PRRC2B: variants seen among roughly 807,000 people sequenced by gnomAD.
PRRC2B encodes proline rich coiled-coil 2B.
A neutral mutation model predicts 242.3 loss-of-function variants in PRRC2B; 68 were observed. That is an observed-to-expected ratio of 0.28 (90% confidence interval 0.23 to 0.34). The LOEUF is 0.34. Ranked by LOEUF, PRRC2B falls within the 10% of genes least tolerant of loss-of-function variation. The pLI, the probability that PRRC2B is intolerant of heterozygous loss-of-function variation, is 1.00. For synonymous variants in PRRC2B, 1,228 were observed against 1,173.6 expected, an observed-to-expected ratio of 1.05 and a Z score of -0.95; for missense variants, 2,835 against 2,954.8, an observed-to-expected ratio of 0.96 and a Z score of 0.94.
intron 10 of PRRC2B, among the ~76,000 whole-genome samples, chr9:131,458,609 C>T (rs1170281922): frequency 6.6e-6 from 1 of 151,808 alleles, no homozygotes; most frequent in Admixed American, 6.6e-5. Context: ...GGTTCAAGCA[C>T]TTCTCCCACC....
At chr9:131,488,191 A>G (rs554435647) in intron 28 of PRRC2B, 95 bp downstream of exon 28, 18 of 1,471,780 alleles carry the variant, frequency 1.2e-5, no homozygotes, top group Admixed American at 6.9e-5. Flanking sequence ...GTGCTGGCCT[A>G]TCGTGCTGTT....
At chr9:131,409,833 A>G (rs1837460265) in intron 1 of PRRC2B, among the ~76,000 whole-genome samples, 1 of 152,224 alleles carries the variant, frequency 6.6e-6, no homozygotes, top group South Asian at 2.1e-4. Flanking sequence ...GGTTAGAAGG[A>G]ACAATCCAAT....
In PRRC2B at chr9:131,495,834, T is replaced by G. The variant is rs1448809956; in HGVS notation, c.6650T>G (p.Ile2217Ser). The change falls in exon 32 of 32, where the codon ATC becomes AGC. Residue 2217 changes from isoleucine to serine, a missense_variant. Physicochemically the swap from Ile to Ser is moderately radical, Grantham distance 142. This residue lies in a region of PRRC2B where 574 missense variants were observed against 626.0 expected (regional missense o/e 0.92). Transcript: ENST00000683519. ...AASQMKRTGA[I>S]KPRAVKVEES... ...TCCCAGATGAAGCGAACCGGAGCGA[T>G]CAAGCCTCGGGCTGTCAAAGTGGAG... 2 of 1,612,144 alleles carry G rather than the reference T, an allele frequency of 1.2e-6. No individual in the cohort carries two copies. Among genetic ancestry groups the G allele is most frequent in the South Asian group, 2.2e-5 (2 of 91,054 alleles).
chr9:131,495,227 TG>T (rs893256871), intron 31 of PRRC2B, among the ~76,000 whole-genome samples: 3 of 151,584 alleles, frequency 2.0e-5, no homozygotes, highest in South Asian at 2.1e-4. Flanking sequence ...TGACTAGGAA[TG>T]GGGCCCCAGG....
chr9:131,398,744 C>T (rs1170378641), intron 1 of PRRC2B, among the ~76,000 whole-genome samples: 1 of 152,020 alleles, frequency 6.6e-6, no homozygotes, highest in Non-Finnish European at 1.5e-5. Context: ...TTGGGGAGGC[C>T]AAGGCAGGTG....
chr9:131,385,152 CATGA>C (rs1836811200), intron 1 of PRRC2B, among the ~76,000 whole-genome samples: 1 of 150,300 alleles, frequency 6.7e-6, no homozygotes, highest in Non-Finnish European at 1.5e-5. Flanking sequence ...GGATTACAGG[CATGA>C]GCTACACCAG....
At chr9:131,478,018 T>G in intron 17 of PRRC2B, 69 bp downstream of exon 17, 2 of 1,442,622 alleles carry the variant, frequency 1.4e-6, no homozygotes, top group Non-Finnish European at 1.9e-6. Flanking sequence ...TCCTCGGGCC[T>G]CCCGAGTTTG....
chr9:131,436,632 G>A lies in PRRC2B; in HGVS notation c.306G>A (p.Thr102=), dbSNP rs781767865. Residue 102 remains threonine (T), a synonymous_variant, in exon 4 of 32, where the codon ACG becomes ACA. Coordinates refer to ENST00000683519, the MANE Select transcript of PRRC2B (RefSeq NM_013318.4). ...DQQDPKSSSA[T]ASQPPESLPQ... ...TGCCTTTGTCTAGTTCCAGTGCGACGGCCTCTCAGCCGCCGGAGTCGCTGC... is the reference window on the plus strand; with the variant it reads ...TGCCTTTGTCTAGTTCCAGTGCGACAGCCTCTCAGCCGCCGGAGTCGCTGC... 3.1e-6 allele frequency: 5 copies of A among 1,613,726 alleles called. No individual in the cohort carries two copies. Among genetic ancestry groups the A allele is most frequent in the African/African-American group, 2.7e-5 (2 of 75,056 alleles).
intron 1 of PRRC2B, among the ~76,000 whole-genome samples, chr9:131,428,096 A>G (rs185488777): frequency 1.9e-4 from 27 of 145,938 alleles, no homozygotes; most frequent in African/African-American, 6.6e-4. Context: ...TAATTTTTGT[A>G]TTTTTAGTAG....
intron 25 of PRRC2B, chr9:131,485,867 C>T (rs904724886): frequency 1.5e-4 from 106 of 728,476 alleles, no homozygotes; most frequent in Non-Finnish European, 2.2e-4. Flanking sequence ...CTAGGTCTGA[C>T]GCTGCACCCT....
Position 131,475,027 on chromosome 9 carries a change from A to G in PRRC2B, c.2898A>G (p.Leu966=). ...EKELEKIKQE[L]GEESTRLAKE... ...AGCTTGAGAAGATTAAGCAGGAGCT[A>G]GGGGAGGAGAGTACCCGGCTGGCCA... The change falls in exon 16 of 32, where the codon CTA becomes CTG. Residue 966 remains leucine, a synonymous_variant. Transcript: ENST00000683519. 2 of 1,607,952 alleles carry G rather than the reference A, an allele frequency of 1.2e-6. No individual in the cohort carries two copies. Among genetic ancestry groups the G allele is most frequent in the Non-Finnish European group, 1.7e-6 (2 of 1,177,184 alleles).
chr9:131,431,198 T>A (rs1400668381), intron 2 of PRRC2B, among the ~76,000 whole-genome samples: 1 of 152,072 alleles, frequency 6.6e-6, no homozygotes, highest in Non-Finnish European at 1.5e-5. Context: ...TGGTGTGATC[T>A]TGGCTCACTG....
At chr9:131,486,886 T>A (rs2131471799) in intron 26 of PRRC2B, among the ~76,000 whole-genome samples, 1 of 152,364 alleles carries the variant, frequency 6.6e-6, no homozygotes, top group South Asian at 2.1e-4. Context: ...AATTCAGCGT[T>A]ATGTTTTTGG....
chr9:131,459,495 G>T (rs1396471401), intron 11 of PRRC2B, 139 bp downstream of exon 11: 3 of 804,286 alleles, frequency 3.7e-6, no homozygotes, highest in Admixed American at 5.8e-5. Flanking sequence ...ATAGAGACAG[G>T]GTCTCACTAT....
intron 4 of PRRC2B, among the ~76,000 whole-genome samples, chr9:131,438,580 G>T (rs1263710278): frequency 6.6e-6 from 1 of 152,150 alleles, no homozygotes; most frequent in African/African-American, 2.4e-5. Context: ...TAGCAGCTGC[G>T]CAGTTTTAAA....
At chr9:131,389,929 T>G (rs1048545768), upstream of PRRC2B, among the ~76,000 whole-genome samples, 7 of 140,652 alleles carry the variant, frequency 5.0e-5, no homozygotes, top group African/African-American at 1.3e-4. Flanking sequence ...TTTTTTTTGT[T>G]TTTTTTTTTT....
At chr9:131,420,499 T>TCTTTCTTTCTTTCCTTTCTTTC (rs889470295) in intron 1 of PRRC2B, among the ~76,000 whole-genome samples, 1 of 84,494 alleles carries the variant, frequency 1.2e-5, no homozygotes, top group African/African-American at 4.4e-5. Flanking sequence ...CTTTCTTTTT[T>TCTTTCTTTCTTTCCTTTCTTTC]TTTTTTTTTT....
At chr9:131,388,162 T>C (rs1243205619) in intron 1 of PRRC2B, among the ~76,000 whole-genome samples, 1 of 144,840 alleles carries the variant, frequency 6.9e-6, no homozygotes, top group Non-Finnish European at 1.5e-5. Flanking sequence ...CACTCCAGCC[T>C]GGGCAACAGA....
rs537901845 is a variant in PRRC2B at position 131,444,177 on chromosome 9, C to G, written c.470-8C>G. ...ACTTCCTCCATGTCTACCCCGTCTT[C>G]TTGACAGGTTTAAGGGGCTCAAGCC... On this transcript the variant is annotated splice_polypyrimidine_tract_variant and splice_region_variant and intron_variant, in intron 5 of 31. Transcript: ENST00000683519. 1.2e-6 allele frequency: 2 copies of G among 1,613,946 alleles called. No individual in the cohort carries two copies. The highest frequency in any genetic ancestry group is 2.2e-5 in the South Asian group (2 of 91,076).
Sources: allele counts gnomAD v4.1 joint callset (sites outside exome capture counted in the v4.1 genomes callset), GRCh38; gene constraint gnomAD v4.1.1; regional missense constraint gnomAD v4.1.1; transcripts MANE v1.5; gene names NCBI Gene and HGNC (gene_info 2026-07-23, HGNC 2026-07-21).